IRAK2: variants seen among roughly 807,000 people sequenced by gnomAD.
The protein encoded by IRAK2 is interleukin 1 receptor associated kinase 2, also known as interleukin-1 receptor-associated kinase-like 2.
A neutral mutation model predicts 72.0 loss-of-function variants in IRAK2; 57 were observed. That is an observed-to-expected ratio of 0.79 (90% confidence interval 0.64 to 0.99). The LOEUF is 0.99. Among genes scored for constraint, IRAK2 ranks in the 50% least tolerant of loss-of-function variants. The pLI is 0.00. For synonymous variants in IRAK2, 293 were observed against 312.7 expected (o/e 0.94, Z 0.67); for missense variants, 790 against 794.4 (o/e 0.99, Z 0.07).
At chr3:10,214,287 G>A (rs1697568787) in intron 6 of IRAK2, among the ~76,000 whole-genome samples, 2 of 151,732 alleles carry the variant, frequency 1.3e-5, no homozygotes, top group Non-Finnish European at 2.9e-5. Flanking sequence ...AATGGCCTTG[G>A]AATGATTGTA....
chr3:10,212,918 C>T (rs2125155875), intron 4 of IRAK2, among the ~76,000 whole-genome samples: 1 of 152,210 alleles, frequency 6.6e-6, no homozygotes, highest in East Asian at 1.9e-4. Context: ...GCGCCCGCCA[C>T]CACGCCTGGA....
At position 10,240,806 on chromosome 3, in the gene IRAK2, A is replaced by G. The variant is rs901658211; in HGVS notation, c.1766-1310A>G. ...ACTCCCAACCTCAGGTGATCCGCCC[A>G]CCTCGGCCTCCCAAAGTGCTAGGAT... On this transcript the variant is annotated intron_variant, in intron 12 of 12. Coordinates refer to ENST00000256458, the MANE Select transcript of IRAK2 (RefSeq NM_001570.4). 6.6e-5 allele frequency among the ~76,000 whole-genome samples: 10 copies of G among 151,128 alleles called. No homozygotes were observed. The South Asian group carries it at 1.3e-3, about 19-fold the overall frequency.
chr3:10,234,365 C>A, intron 10 of IRAK2, 94 bp from the exon 11 acceptor site: 1 of 1,016,924 alleles, frequency 9.8e-7, no homozygotes, highest in Non-Finnish European at 1.5e-6. Flanking sequence ...GTTTTCTGAG[C>A]ATTTTTTGCA....
intron 2 of IRAK2, among the ~76,000 whole-genome samples, chr3:10,183,176 G>A (rs1232231567): frequency 1.1e-4 from 16 of 152,164 alleles, no homozygotes; most frequent in Admixed American, 9.2e-4. Flanking sequence ...CTTCCTGAGG[G>A]ACTTACCTCT....
At chr3:10,224,059 G>A (rs1697733738) in intron 9 of IRAK2, among the ~76,000 whole-genome samples, 1 of 152,132 alleles carries the variant, frequency 6.6e-6, no homozygotes, top group African/African-American at 2.4e-5. Context: ...GGGATGGGCA[G>A]GGAGTGGTGG....
chr3:10,203,768 A>G (rs1407634540), intron 3 of IRAK2, among the ~76,000 whole-genome samples: 5 of 152,196 alleles, frequency 3.3e-5, no homozygotes, highest in Admixed American at 3.3e-4. Flanking sequence ...AGTAGCTGGC[A>G]CTACAGGTGC....
At chr3:10,211,814 G>T (rs941200027) in intron 4 of IRAK2, among the ~76,000 whole-genome samples, 1 of 151,968 alleles carries the variant, frequency 6.6e-6, no homozygotes, top group Non-Finnish European at 1.5e-5. Context: ...GCGGTGGCTC[G>T]TGCCTGTAAT....
chr3:10,182,049 C>G (rs1306198046), intron 2 of IRAK2, among the ~76,000 whole-genome samples: 1 of 150,440 alleles, frequency 6.6e-6, no homozygotes, highest in Non-Finnish European at 1.5e-5. Context: ...CTCACCGCAA[C>G]CTCTGCCTCC....
intron 1 of IRAK2, among the ~76,000 whole-genome samples, chr3:10,165,565 G>A (rs536650936): frequency 1.3e-5 from 2 of 151,800 alleles, no homozygotes; most frequent in Non-Finnish European, 2.9e-5. Context: ...GCACGGTCTC[G>A]GCTCACTGCA....
At chr3:10,175,349 A>T (rs1227609917) in intron 1 of IRAK2, among the ~76,000 whole-genome samples, 3 of 151,584 alleles carry the variant, frequency 2.0e-5, no homozygotes, top group African/African-American at 7.3e-5. Flanking sequence ...CTAGTATCGA[A>T]CTCCTGACCT....
chr3:10,235,714 T>G (rs1352651076), intron 11 of IRAK2, among the ~76,000 whole-genome samples: 1 of 152,076 alleles, frequency 6.6e-6, no homozygotes, highest in African/African-American at 2.4e-5. Flanking sequence ...GGAAAAAATC[T>G]TCAATAACCA....
intron 9 of IRAK2, among the ~76,000 whole-genome samples, chr3:10,224,567 T>A (rs1697742455): frequency 6.7e-6 from 1 of 150,098 alleles, no homozygotes; most frequent in South Asian, 2.2e-4. Context: ...ATGACTGTGG[T>A]TATTGTTATT....
At chr3:10,218,798 T>C (rs1397537620) in intron 7 of IRAK2, among the ~76,000 whole-genome samples, 1 of 152,230 alleles carries the variant, frequency 6.6e-6, no homozygotes, top group African/African-American at 2.4e-5. Flanking sequence ...TTCCATTTTA[T>C]ACCCAAGGAA....
chr3:10,219,492 G>A (rs1697654912), intron 7 of IRAK2, among the ~76,000 whole-genome samples, 188 bp from the exon 8 acceptor site: 1 of 151,960 alleles, frequency 6.6e-6, no homozygotes, highest in Non-Finnish European at 1.5e-5. Flanking sequence ...CTAATTTTTT[G>A]TATTTTTAGT....
intron 10 of IRAK2, 64 bp from the exon 11 acceptor site, chr3:10,234,395 C>A: frequency 1.5e-6 from 2 of 1,365,922 alleles, no homozygotes; most frequent in Non-Finnish European, 2.1e-6. Flanking sequence ...GTGAGTGGGG[C>A]GCGTGCGTTG....
At chr3:10,210,144 C>T (rs1220996856) in intron 4 of IRAK2, among the ~76,000 whole-genome samples, 1 of 152,182 alleles carries the variant, frequency 6.6e-6, no homozygotes, top group African/African-American at 2.4e-5. Context: ...TGGTCTCGAA[C>T]TCCTGACGTC....
intron 11 of IRAK2, among the ~76,000 whole-genome samples, chr3:10,237,801 G>C (rs1450108590): frequency 2.0e-4 from 25 of 125,330 alleles, no homozygotes; most frequent in Non-Finnish European, 2.8e-4. Flanking sequence ...GCGAGACTCT[G>C]TCTCAAAAAA....
intron 2 of IRAK2, among the ~76,000 whole-genome samples, chr3:10,188,566 G>A (rs553405225): frequency 6.6e-6 from 1 of 150,982 alleles, no homozygotes; most frequent in African/African-American, 2.4e-5. Flanking sequence ...CGCTCTTGTT[G>A]CCCAGGCTGG....
chr3:10,230,471 AGCCACTGT>A (rs1223237589), intron 10 of IRAK2, among the ~76,000 whole-genome samples: 4 of 152,086 alleles, frequency 2.6e-5, no homozygotes, highest in African/African-American at 9.7e-5. Flanking sequence ...TATAGGCATG[AGCCACTGT>A]GCCTGGCATC....
Sources: gnomAD v4.1 joint callset for allele counts (sites outside exome capture counted in the v4.1 genomes callset) on GRCh38, gnomAD v4.1.1 for gene constraint, MANE v1.5 for transcripts, NCBI Gene and HGNC (gene_info 2026-07-23, HGNC 2026-07-21) for gene names.